The following HLCS variants were observed in gnomAD, a reference collection of about 807,000 sequenced individuals.
The protein encoded by HLCS is biotin--protein ligase.
Under a neutral mutation model 75.0 loss-of-function variants are expected in HLCS, and 53 were observed. The ratio of observed to expected loss-of-function variants is 0.71; its 90% CI spans 0.57 to 0.89. HLCS has a LOEUF of 0.89. Among genes scored for constraint, HLCS ranks in the 40% least tolerant of loss-of-function variants. The pLI is 0.00. For missense variants in HLCS, 966 were observed against 1,074.0 expected (o/e 0.90, Z 1.41); for synonymous variants, 431 against 428.6 (o/e 1.01, Z -0.07).
chr21:36,964,615 A>T (rs1175015836), intron 1 of HLCS, among the ~76,000 whole-genome samples: 1 of 152,214 alleles, frequency 6.6e-6, no homozygotes, highest in African/African-American at 2.4e-5. Context: ...CTGTAGGCAA[A>T]GCTTACTGTG....
chr21:36,773,582 GA>G, intron 6 of HLCS, among the ~76,000 whole-genome samples: 2 of 152,316 alleles, frequency 1.3e-5, no homozygotes, highest in South Asian at 4.1e-4. Flanking sequence ...GTCCTGGCCT[GA>G]CACCAGTCTG....
intron 6 of HLCS, among the ~76,000 whole-genome samples, chr21:36,771,206 C>T (rs985040920): frequency 2.9e-5 from 4 of 137,744 alleles, no homozygotes; most frequent in Non-Finnish European, 4.6e-5. Flanking sequence ...GGCGACAGAG[C>T]GAGACTCCGT....
chr21:36,799,777 G>C (rs562406230), intron 6 of HLCS, among the ~76,000 whole-genome samples: 1 of 152,302 alleles, frequency 6.6e-6, no homozygotes, highest in South Asian at 2.1e-4. Context: ...GGATCTGCCA[G>C]ATTTCCAAGG....
chr21:36,790,044 T>G (rs772045216), intron 6 of HLCS, among the ~76,000 whole-genome samples: 1 of 152,194 alleles, frequency 6.6e-6, no homozygotes, highest in Non-Finnish European at 1.5e-5. Flanking sequence ...ACACTCCCAC[T>G]GGGGTTTGAA....
At chr21:36,855,721 T>C (rs1451000468) in intron 6 of HLCS, among the ~76,000 whole-genome samples, 2 of 151,720 alleles carry the variant, frequency 1.3e-5, no homozygotes, top group African/African-American at 2.4e-5. Context: ...GGACCACAGG[T>C]GCACGCCACC....
At position 36,756,707 on chromosome 21, in the gene HLCS, T is replaced by C; in HGVS notation, c.2285A>G (p.Asp762Gly). 6.2e-7 allele frequency: 1 copy of C among 1,614,118 alleles called. No individual in the cohort carries two copies. The change falls in exon 10 of 11, where the codon GAC becomes GGC. Residue 762 changes from aspartate (D) to glycine (G), a missense_variant. Physicochemically the swap from Asp to Gly is moderately conservative, Grantham distance 94 (BLOSUM62 -1). Coordinates refer to ENST00000674895, the MANE Select transcript of HLCS (RefSeq NM_001352514.2). ...TTGTTTATTGTATTCTGTGATGAGG[T>C]CGTTGATGCAGATGGTAGGGTTACT... is the stretch of plus-strand genomic sequence containing the variant. ...TNSNPTICIN[D>G]LITEYNKQHK...
rs554022152 is a variant in HLCS at position 36,832,291 on chromosome 21, CAA to C, written c.1892+64567_1892+64568del. On this transcript the variant is annotated intron_variant, in intron 6 of 10. Transcript: ENST00000674895. ...GAAGAGGATGGAAAGAAAAGGAAGA[CAA>C]AGATTTCCCTGACTATGCACATAGC... is the stretch of plus-strand genomic sequence containing the variant. Among the ~76,000 whole-genome samples, 592 of 152,282 alleles carry C rather than the reference CAA, an allele frequency of 3.9e-3. 2 individuals are homozygous for C. Among genetic ancestry groups the C allele is most frequent in the African/African-American group, 0.013 (545 of 41,552 alleles).
intron 6 of HLCS, among the ~76,000 whole-genome samples, chr21:36,886,972 C>CA (rs1438823963): frequency 6.6e-5 from 10 of 151,714 alleles, no homozygotes; most frequent in Middle Eastern, 3.4e-3. Context: ...ACTAAAAATA[C>CA]AAAAAAAATT....
At chr21:36,912,201 T>C (rs1268867309) in intron 5 of HLCS, among the ~76,000 whole-genome samples, 1 of 151,884 alleles carries the variant, frequency 6.6e-6, no homozygotes, top group East Asian at 1.9e-4. Context: ...GCAGCATTAT[T>C]CACAACAGCC....
intron 8 of HLCS, among the ~76,000 whole-genome samples, chr21:36,764,070 C>T (rs995073256): frequency 1.4e-4 from 21 of 152,230 alleles, no homozygotes; most frequent in African/African-American, 5.1e-4. Context: ...TCAATCCAGT[C>T]CAACAATCAA....
chr21:36,888,024 G>A (rs887905016), intron 6 of HLCS, among the ~76,000 whole-genome samples: 1 of 152,014 alleles, frequency 6.6e-6, no homozygotes, highest in Non-Finnish European at 1.5e-5. Flanking sequence ...TATTCACTTC[G>A]CCTCCAGAAT....
At chr21:36,766,366 T>A (rs2090033276) in intron 7 of HLCS, among the ~76,000 whole-genome samples, 1 of 151,892 alleles carries the variant, frequency 6.6e-6, no homozygotes, top group South Asian at 2.1e-4. Context: ...AGAATCCAAA[T>A]GAGAGGTAGA....
chr21:36,804,657 AC>A (rs1284961852), intron 6 of HLCS, among the ~76,000 whole-genome samples: 4 of 152,020 alleles, frequency 2.6e-5, no homozygotes, highest in African/African-American at 9.7e-5. Flanking sequence ...CATCTCTCTG[AC>A]CCTCTGTGGT....
At chr21:36,965,718 T>G (rs1232683279) in intron 1 of HLCS, among the ~76,000 whole-genome samples, 1 of 144,246 alleles carries the variant, frequency 6.9e-6, no homozygotes, top group Non-Finnish European at 1.5e-5. Flanking sequence ...CAGGTGGGAG[T>G]TTTTTGTTTG....
intron 6 of HLCS, among the ~76,000 whole-genome samples, chr21:36,838,115 G>C (rs2062477432): frequency 6.6e-6 from 1 of 152,044 alleles, no homozygotes; most frequent in Non-Finnish European, 1.5e-5. Flanking sequence ...GCAGCAACTG[G>C]ATTTCAAAGC....
At chr21:36,813,841 T>C (rs1326599423) in intron 6 of HLCS, among the ~76,000 whole-genome samples, 5 of 152,176 alleles carry the variant, frequency 3.3e-5, no homozygotes, top group Non-Finnish European at 4.4e-5. Context: ...ATGAGGCCAA[T>C]AAACGAGAGC....
chr21:36,830,613 C>T (rs182911244), intron 6 of HLCS, among the ~76,000 whole-genome samples: 58 of 151,998 alleles, frequency 3.8e-4, no homozygotes, highest in African/African-American at 1.3e-3. Flanking sequence ...GTGGGCTGAT[C>T]GCTTGAGCCT....
At chr21:36,921,456 A>ATTTTAATTTTAATTTT (rs1569195328) in intron 5 of HLCS, among the ~76,000 whole-genome samples, 5 of 152,212 alleles carry the variant, frequency 3.3e-5, no homozygotes, top group Non-Finnish European at 4.4e-5. Context: ...GAAAAAGAAA[A>ATTTTAATTTTAATTTT]AAGAATATTC....
At chr21:36,845,231 GCCGGCC>G (rs2062755755) in intron 6 of HLCS, among the ~76,000 whole-genome samples, 1 of 152,112 alleles carries the variant, frequency 6.6e-6, no homozygotes, top group Non-Finnish European at 1.5e-5. Flanking sequence ...CATGCTCACA[GCCGGCC>G]ACTCGGCCCC....
Sources: gnomAD v4.1 joint callset for allele counts (sites outside exome capture counted in the v4.1 genomes callset) on GRCh38, gnomAD v4.1.1 for gene constraint, MANE v1.5 for transcripts, NCBI Gene and HGNC (gene_info 2026-07-23, HGNC 2026-07-21) for gene names.